Variants in MUTYH observed in about 807,000 individuals in gnomAD.
MUTYH encodes the protein adenine DNA glycosylase.
Under a neutral mutation model 72.9 loss-of-function variants are expected in MUTYH, and 64 were observed. The ratio of observed to expected loss-of-function variants is 0.88; its 90% CI spans 0.72 to 1.08. The LOEUF is 1.08. Among genes scored for constraint, MUTYH ranks in the 50% least tolerant of loss-of-function variants. The pLI is 0.00. For synonymous variants in MUTYH, 234 were observed against 263.1 expected, an observed-to-expected ratio of 0.89 and a Z score of 1.07; for missense variants, 633 against 671.0, an observed-to-expected ratio of 0.94 and a Z score of 0.63.
chr1:45,334,291 T>G, intron 2 of MUTYH, 100 bp downstream of exon 2: 1 of 1,571,260 alleles, frequency 6.4e-7, no homozygotes, highest in South Asian at 1.1e-5. Context: ...ACCTGGCCCT[T>G]AGTAAGTCTC....
intron 9 of MUTYH, 33 bp from the exon 10 acceptor site, chr1:45,332,343 C>A (rs2149141708): frequency 6.2e-7 from 1 of 1,614,114 alleles, no homozygotes; most frequent in South Asian, 1.1e-5. Context: ...TGAAGCAGAG[C>A]TCCTTTGCAG....
intron 15 of MUTYH, among the ~76,000 whole-genome samples, chr1:45,330,248 AAAAAG>A (rs1644557778): frequency 6.7e-6 from 1 of 150,022 alleles, no homozygotes. Context: ...AAAAAAAAAA[AAAAAG>A]AACTGATGGC....
intron 1 of MUTYH, chr1:45,338,272 C>T (rs563985918): frequency 2.6e-5 from 14 of 533,144 alleles, no homozygotes; most frequent in South Asian, 1.7e-4. Context: ...TCCAGTGATC[C>T]GGGCACCATC....
chr1:45,340,055 C>G, upstream of MUTYH: 1 of 1,541,582 alleles, frequency 6.5e-7, no homozygotes, highest in East Asian at 2.5e-5. Flanking sequence ...TGCGAGCCGG[C>G]AGCACAGGCC....
chr1:45,339,847 C>T, intron 1 of MUTYH, 52 bp downstream of exon 1: 2 of 1,338,302 alleles, frequency 1.5e-6, no homozygotes, highest in South Asian at 2.5e-5. Flanking sequence ...TCAGCTCAGG[C>T]AGCGTCACCT....
chr1:45,332,206 C>T lies in MUTYH; in HGVS notation c.809G>A (p.Ser270Asn), dbSNP rs757080586. The T allele has an allele frequency of 2.5e-5, 40 of 1,614,080 alleles. No individual in the cohort carries two copies. The highest frequency in any genetic ancestry group is 3.0e-5 in the Non-Finnish European group (35 of 1,180,026). The change falls in exon 10 of 16, where the codon AGC becomes AAC. Residue 270 changes from serine (S) to asparagine (N), a missense_variant. By Grantham distance (46) the Ser-to-Asn change is conservative. Coordinates refer to ENST00000456914, the MANE Select transcript of MUTYH (RefSeq NM_001048174.2). Reference protein sequence around the residue: ...TVCTPQRPLCSQCPVESLCRA... With the variant: ...TVCTPQRPLCNQCPVESLCRA... ...GCACAGGCTCTCCACAGGGCACTGG[C>T]TGCACAGTGGGCGCTGTGGGGTACA...
intron 1 of MUTYH, among the ~76,000 whole-genome samples, chr1:45,337,944 T>C (rs1308169768): frequency 6.6e-6 from 1 of 152,068 alleles, no homozygotes; most frequent in Non-Finnish European, 1.5e-5. Flanking sequence ...AAGCAAAAAT[T>C]AGACCAAGAG....
upstream of MUTYH, chr1:45,340,189 G>T (rs371476312): frequency 1.6e-4 from 265 of 1,612,994 alleles, 1 homozygote; most frequent in African/African-American, 3.1e-3. Flanking sequence ...CCTGAACCGC[G>T]CCAGGAGACG....
upstream of MUTYH, chr1:45,340,146 C>A: frequency 6.3e-7 from 1 of 1,586,604 alleles, no homozygotes. Flanking sequence ...CCATCGGCGA[C>A]CCGACGGCGA....
Position 45,332,589 on chromosome 1 carries a change from A to C in MUTYH, c.591T>G (p.Ser197=). 1 of 1,614,166 alleles carries C rather than the reference A, an allele frequency of 6.2e-7. No individual in the cohort carries two copies. The highest frequency in any genetic ancestry group is 8.5e-7 in the Non-Finnish European group (1 of 1,180,022). Residue 197 remains serine (S), a synonymous_variant, in exon 8 of 16, where the codon TCT becomes TCG. Transcript: ENST00000456914. ...VGRYTAGAIA[S]IAFGQATGVV... is the part of the protein sequence containing the mutation. Reference sequence around the variant, plus strand: ...GTGAGATCACCTGGCCAAAGGCGATAGAGGCAATGGCCCCAGCTGTGTAGC... The same window carrying C: ...GTGAGATCACCTGGCCAAAGGCGATCGAGGCAATGGCCCCAGCTGTGTAGC...
In MUTYH at chr1:45,339,966, GAA is replaced by G. The variant is rs1188134898; in HGVS notation, c.-76_-75del. 3 of 1,520,440 alleles carry G rather than the reference GAA, an allele frequency of 2.0e-6. No homozygotes were observed. In the South Asian group the frequency reaches 3.6e-5, roughly 18 times the overall value. The allele number at this position is 1,520,440 out of a possible 1,614,324, so 94.2% of individuals were successfully genotyped here. A position where few individuals can be genotyped will look rare whatever the true frequency, so the allele number is the denominator to read the frequency against. On this transcript the variant is annotated 5_prime_UTR_variant, in exon 1 of 16. Transcript: ENST00000456914. ...GCGTTCCCGCCGCGAGAGCAGGAGA[GAA>G]AGATTACCTCCCGCGAGCTCTAGCG...
chr1:45,333,036 A>T, intron 5 of MUTYH, 61 bp downstream of exon 5: 1 of 1,613,048 alleles, frequency 6.2e-7, no homozygotes. Flanking sequence ...CACCCACCCC[A>T]AAGTAGAGGC....
Position 45,333,552 on chromosome 1 carries a change from C to T in MUTYH, c.125G>A (p.Arg42Lys), listed in dbSNP as rs1645382242. The T allele has an allele frequency of 6.2e-7, 1 of 1,613,820 alleles. No homozygotes were observed. Among genetic ancestry groups the T allele is most frequent in the East Asian group, 2.2e-5 (1 of 44,880 alleles). Reference protein sequence around the residue: ...AKPSACDGLARQPEEVVLQAS... With the variant: ...AKPSACDGLAKQPEEVVLQAS... ...CTGCAATACCACCTCTTCCGGCTGC[C>T]TGGCCAGGCCTGCTGGGGCCCCAGG... The change falls in exon 3 of 16, where the codon AGG becomes AAG. Residue 42 changes from arginine (R) to lysine (K), a missense_variant. Physicochemically the swap from Arg to Lys is conservative, Grantham distance 26 (BLOSUM62 2). Transcript: ENST00000456914.
chr1:45,333,223 C>G (rs1557483612), intron 4 of MUTYH, 53 bp from the exon 5 acceptor site: 12 of 1,614,166 alleles, frequency 7.4e-6, no homozygotes, highest in Non-Finnish European at 1.0e-5. Flanking sequence ...CTACCTGGCC[C>G]ACAGCCCCCA....
chr1:45,338,992 C>T (rs1646448418), intron 1 of MUTYH, among the ~76,000 whole-genome samples: 1 of 152,036 alleles, frequency 6.6e-6, no homozygotes, highest in South Asian at 2.1e-4. Flanking sequence ...GTCTTGAACT[C>T]CTAGGGTCAA....
chr1:45,330,387 A>T (rs1453875780), intron 15 of MUTYH, 129 bp downstream of exon 15: 1 of 1,121,602 alleles, frequency 8.9e-7, no homozygotes. Context: ...CTCCAGGTCA[A>T]GAACTATTCC....
rs1570396447 is a variant in MUTYH at position 45,332,096 on chromosome 1, A to T, written c.850-10T>A. 3 of 1,614,178 alleles carry T rather than the reference A, an allele frequency of 1.9e-6. No individual in the cohort carries two copies. Among genetic ancestry groups the T allele is most frequent in the Non-Finnish European group, 2.5e-6 (3 of 1,180,028 alleles). The stretch of plus-strand genomic sequence containing the variant: ...GCTGTTCCTGCTCCACCTGAGAGGC[A>T]CAGGGTTGAGTGTCATAGGGCAGAG... On this transcript the variant is annotated splice_polypyrimidine_tract_variant and intron_variant, in intron 10 of 15. Coordinates refer to ENST00000456914, the MANE Select transcript of MUTYH (RefSeq NM_001048174.2).
At chr1:45,332,866 C>T (rs1477042148) in intron 6 of MUTYH, 32 bp from the exon 7 acceptor site, 10 of 1,614,028 alleles carry the variant, frequency 6.2e-6, no homozygotes, top group African/African-American at 2.7e-5. Flanking sequence ...AAAGAGATCA[C>T]CCGTCAGTCC....
At chr1:45,332,733 T>G (rs1645167783) in intron 7 of MUTYH, 30 bp downstream of exon 7, 1 of 1,614,018 alleles carries the variant, frequency 6.2e-7, no homozygotes, top group Non-Finnish European at 8.5e-7. Context: ...CCAAGACTCC[T>G]GGGTTCCTAC....
Sources: allele counts gnomAD v4.1 joint callset (sites outside exome capture counted in the v4.1 genomes callset), GRCh38; gene constraint gnomAD v4.1.1; transcripts MANE v1.5; gene names NCBI Gene and HGNC (gene_info 2026-07-23, HGNC 2026-07-21).